ZMYM2: variants seen among roughly 807,000 people sequenced by gnomAD.
The protein encoded by ZMYM2 is zinc finger MYM-type containing 2, also known as zinc finger MYM-type protein 2.
Under a neutral mutation model 162.8 loss-of-function variants are expected in ZMYM2, and 56 were observed. The observed-to-expected ratio is 0.34, with a 90% CI of 0.28 to 0.43. The LOEUF (loss-of-function observed/expected upper bound fraction) is 0.43. ZMYM2 is among the 20% of genes least tolerant of loss of function. ZMYM2 has a pLI of 1.00. For missense variants in ZMYM2, 1,275 were observed against 1,621.8 expected (o/e 0.79, Z 3.67); for synonymous variants, 510 against 541.6 (o/e 0.94, Z 0.81).
Position 20,006,445 on chromosome 13 carries a change from A to G in ZMYM2, c.1371A>G (p.Arg457=). 1 of 1,611,284 alleles carries G rather than the reference A, an allele frequency of 6.2e-7. No homozygotes were observed. The highest frequency in any genetic ancestry group is 8.5e-7 in the Non-Finnish European group (1 of 1,178,438). Residue 457 remains arginine, a synonymous_variant, in exon 6 of 25, where the codon AGA becomes AGG. Coordinates refer to ENST00000610343, the MANE Select transcript of ZMYM2 (RefSeq NM_197968.4). The part of the protein sequence containing the change: ...LCSDHCFNRY[R]MANGLIMNCC... The stretch of plus-strand genomic sequence containing the variant: ...GTGACCACTGCTTTAATAGATATAG[A>G]ATGGCCAATGGTTTAATAATGAATT...
chr13:19,972,410 C>G (rs1046936769), intron 2 of ZMYM2, among the ~76,000 whole-genome samples: 1 of 152,008 alleles, frequency 6.6e-6, no homozygotes, highest in Admixed American at 6.6e-5. Flanking sequence ...TAAGAATTAT[C>G]TAGTAATCTT....
chr13:20,068,438 G>A (rs1459638687), intron 21 of ZMYM2: 1 of 160,944 alleles, frequency 6.2e-6, no homozygotes, highest in Non-Finnish European at 1.4e-5. Flanking sequence ...CTATAGAATT[G>A]TTAATGTTTC....
At position 20,029,268 on chromosome 13, in the gene ZMYM2, A is replaced by T. The variant is rs139990603; in HGVS notation, c.1851+1950A>T. Among the ~76,000 whole-genome samples the T allele has an allele frequency of 5.1e-3, 776 of 152,324 alleles. 7 individuals carry two copies. The highest frequency in any genetic ancestry group is 0.01 in the Middle Eastern group (3 of 294). On this transcript the variant is annotated intron_variant, in intron 9 of 24. Coordinates refer to ENST00000610343, the MANE Select transcript of ZMYM2 (RefSeq NM_197968.4). ...GTGAAGGTAGCGAATGAGCTCCCTC[A>T]GGCTTCTGTTATGAGAGTACTGACT...
chr13:20,047,779 T>C (rs183639658), intron 12 of ZMYM2, among the ~76,000 whole-genome samples: 1 of 152,250 alleles, frequency 6.6e-6, no homozygotes, highest in African/African-American at 2.4e-5. Flanking sequence ...TATTAAATTC[T>C]TTCTCTTCTA....
intron 2 of ZMYM2, chr13:19,965,217 T>C: frequency 7.8e-7 from 1 of 1,283,616 alleles, no homozygotes; most frequent in African/African-American, 1.5e-5. Flanking sequence ...TTTTACTTTA[T>C]AGCCATACAT....
At chr13:19,914,197 G>C in the ZMYM2 span, among the ~76,000 whole-genome samples, 1 of 152,224 alleles carries the variant, frequency 6.6e-6, no homozygotes, top group Non-Finnish European at 1.5e-5. Context: ...ATAGATCTCT[G>C]AATGGGCAAA....
chr13:20,006,995 A>G (rs1950792356), intron 6 of ZMYM2, among the ~76,000 whole-genome samples: 1 of 152,228 alleles, frequency 6.6e-6, no homozygotes, highest in Non-Finnish European at 1.5e-5. Flanking sequence ...TTTACATATA[A>G]TGGTAAATGC....
At position 19,961,976 on chromosome 13, in the gene ZMYM2, T is replaced by C. The variant is rs575412814; in HGVS notation, c.-11+1950T>C. ...TTTGCATATTTATGGCATATTTCTT[T>C]AGTGCATCCTTTCTAATATCTGTTC... On this transcript the variant is annotated intron_variant, in intron 2 of 24. Coordinates refer to ENST00000610343, the MANE Select transcript of ZMYM2 (RefSeq NM_197968.4). Among the ~76,000 whole-genome samples, 9 of 152,348 alleles carry C rather than the reference T, an allele frequency of 5.9e-5. No homozygotes were observed. In the East Asian group the frequency reaches 1.3e-3, roughly 23 times the overall value.
rs778519504 is a variant in ZMYM2, at chr13:20,036,904, T to C, written c.2287T>C (p.Tyr763His). 2.7e-5 allele frequency: 44 copies of C among 1,606,636 alleles called. No individual in the cohort carries two copies. Among genetic ancestry groups the C allele is most frequent in the Non-Finnish European group, 3.2e-5 (38 of 1,177,002 alleles). ...CTGTAAAAAATTTCAGGATTGGTAC[T>C]ACAAGGCGAGTAACTCCTTTATTAC... is the stretch of plus-strand genomic sequence containing the variant. ...DCCKKFQDWY[Y>H]KAARCDCCKS... The change falls in exon 12 of 25, where the codon TAC (tyrosine) becomes CAC (histidine). Residue 763 changes from tyrosine to histidine, a missense_variant. Coordinates refer to ENST00000610343, the MANE Select transcript of ZMYM2 (RefSeq NM_197968.4).
rs140004992 is a variant in ZMYM2, at chr13:19,996,118, T to C, written c.847+2199T>C. On this transcript the variant is annotated intron_variant, in intron 3 of 24. Transcript: ENST00000610343. Reference sequence around the variant, plus strand: ...CGTTTCTCTCTCACATGCCTCTCTCTGACCCATTCTGTCATCATTTTAGGC... The same window carrying C: ...CGTTTCTCTCTCACATGCCTCTCTCCGACCCATTCTGTCATCATTTTAGGC... Among the ~76,000 whole-genome samples, 186 of 152,312 alleles carry C rather than the reference T, an allele frequency of 1.2e-3. 1 individual carries two copies. The Middle Eastern group carries it at 0.017, about 14-fold the overall frequency.
At chr13:19,884,540 T>G in the ZMYM2 span, among the ~76,000 whole-genome samples, 1 of 151,340 alleles carries the variant, frequency 6.6e-6, no homozygotes, top group African/African-American at 2.4e-5. Flanking sequence ...GCCACTGCAC[T>G]CCAGCCCGGG....
chr13:19,865,590 T>C, the ZMYM2 span, among the ~76,000 whole-genome samples: 12 of 152,304 alleles, frequency 7.9e-5, no homozygotes, highest in Admixed American at 2.0e-4. Context: ...TAGAGAAAAT[T>C]TGAAGGTCTG....
At chr13:19,874,049 G>A in the ZMYM2 span, among the ~76,000 whole-genome samples, 1 of 152,124 alleles carries the variant, frequency 6.6e-6, no homozygotes, top group Non-Finnish European at 1.5e-5. Flanking sequence ...GGTGGAACTA[G>A]GTGATCTTTA....
At chr13:19,942,272 C>G in the ZMYM2 span, among the ~76,000 whole-genome samples, 1 of 120,876 alleles carries the variant, frequency 8.3e-6, no homozygotes, top group East Asian at 2.4e-4. Context: ...GTAGGATGAT[C>G]ACTAAAATTT....
the ZMYM2 span, among the ~76,000 whole-genome samples, chr13:19,899,906 A>T: frequency 1.3e-5 from 2 of 151,888 alleles, no homozygotes; most frequent in Non-Finnish European, 2.9e-5. Context: ...AAATTGATTA[A>T]TCTTTAAGTA....
At chr13:20,048,863 GA>G (rs1244205586) in intron 12 of ZMYM2, among the ~76,000 whole-genome samples, 1 of 149,586 alleles carries the variant, frequency 6.7e-6, no homozygotes, top group Non-Finnish European at 1.5e-5. Context: ...ACAATGACAA[GA>G]AAACCACAAA....
Position 19,964,717 on chromosome 13 carries a change from A to AT in ZMYM2, c.-11+4702dup, listed in dbSNP as rs1010641168. On this transcript the variant is annotated intron_variant, in intron 2 of 24. Transcript: ENST00000610343. ...TTCTCTCTTTTTCAGAGGGTTCCAG[A>AT]TTTTTTTTTTTCTCTCTAAGTGTTC... Among the ~76,000 whole-genome samples, 272 of 146,500 alleles carry AT rather than the reference A, an allele frequency of 1.9e-3. 1 individual carries two copies. The highest frequency in any genetic ancestry group is 6.1e-3 in the African/African-American group (243 of 40,148).
chr13:19,876,628 T>C, the ZMYM2 span, among the ~76,000 whole-genome samples: 1 of 152,086 alleles, frequency 6.6e-6, no homozygotes, highest in Non-Finnish European at 1.5e-5. Context: ...TGGCCTAAAA[T>C]TTTTCAAAAA....
chr13:19,987,388 C>T (rs57836671), intron 2 of ZMYM2, among the ~76,000 whole-genome samples: 9 of 151,766 alleles, frequency 5.9e-5, no homozygotes, highest in Admixed American at 3.9e-4. Flanking sequence ...CTCAGCCTCC[C>T]GAGTAGCTGG....
Sources: allele counts gnomAD v4.1 joint callset (sites outside exome capture counted in the v4.1 genomes callset), GRCh38; gene constraint gnomAD v4.1.1; transcripts MANE v1.5; gene names NCBI Gene and HGNC (gene_info 2026-07-23, HGNC 2026-07-21).